PRKG1: variants seen among roughly 807,000 people sequenced by gnomAD.
PRKG1 encodes the protein protein kinase cGMP-dependent 1, also known as cGMP-dependent protein kinase 1.
PRKG1 carries 35 observed loss-of-function variants against 88.1 expected under a neutral mutation model. The ratio of observed to expected loss-of-function variants is 0.40; its 90% CI spans 0.30 to 0.53. The LOEUF (loss-of-function observed/expected upper bound fraction) is 0.53, where lower values mean the gene tolerates loss of function less well. PRKG1 is among the 20% of genes least tolerant of loss of function. PRKG1 has a pLI of 0.59. For missense variants in PRKG1, 540 were observed against 839.8 expected (o/e 0.64, Z 4.41); for synonymous variants, 303 against 292.5 (o/e 1.04, Z -0.37).
chr10:51,126,487 T>G (rs1295682424), intron 1 of PRKG1, among the ~76,000 whole-genome samples: 3 of 144,082 alleles, frequency 2.1e-5, no homozygotes, highest in African/African-American at 7.5e-5. Flanking sequence ...AATCTATTTA[T>G]AAATGTATAA....
At chr10:51,388,821 T>C (rs547737079) in intron 2 of PRKG1, among the ~76,000 whole-genome samples, 4 of 152,362 alleles carry the variant, frequency 2.6e-5, no homozygotes, top group African/African-American at 9.6e-5. Flanking sequence ...GGTGGTCTGG[T>C]TAAAAGGAAG....
intron 4 of PRKG1, among the ~76,000 whole-genome samples, chr10:51,843,527 G>A (rs1380201754): frequency 6.6e-6 from 1 of 152,158 alleles, no homozygotes; most frequent in East Asian, 1.9e-4. Flanking sequence ...GAGGAAAAAG[G>A]CAGGTCAAGT....
chr10:51,280,661 T>C (rs1840269771), intron 2 of PRKG1, among the ~76,000 whole-genome samples: 1 of 152,258 alleles, frequency 6.6e-6, no homozygotes, highest in Admixed American at 6.5e-5. Flanking sequence ...TCCAATTGGC[T>C]ACTGAAACTT....
chr10:51,805,408 T>C (rs74132433), intron 4 of PRKG1, among the ~76,000 whole-genome samples: 2,374 of 152,102 alleles, frequency 0.016, 78 homozygotes, highest in African/African-American at 0.054. Flanking sequence ...AGAAAATATA[T>C]TATCTTATAA....
At chr10:51,273,439 G>A (rs867406272) in intron 2 of PRKG1, among the ~76,000 whole-genome samples, 7 of 152,038 alleles carry the variant, frequency 4.6e-5, no homozygotes, top group Non-Finnish European at 7.4e-5. Context: ...TGGGAGGATC[G>A]CTGGAGTCCA....
intron 9 of PRKG1, among the ~76,000 whole-genome samples, chr10:52,226,727 A>G (rs1214790881): frequency 6.6e-6 from 1 of 152,042 alleles, no homozygotes; most frequent in Admixed American, 6.6e-5. Context: ...AGTAGGAAAA[A>G]TCTTTATATT....
chr10:51,178,355 T>C (rs1222270735), intron 2 of PRKG1, among the ~76,000 whole-genome samples: 9 of 152,130 alleles, frequency 5.9e-5, no homozygotes, highest in Non-Finnish European at 1.3e-4. Flanking sequence ...TAAAAAATAT[T>C]GGGCTGGGCG....
In PRKG1 at chr10:51,944,433, G is replaced by GT. The variant is rs558475116; in HGVS notation, c.762+36869dup. Among the ~76,000 whole-genome samples the GT allele has an allele frequency of 6.6e-4, 100 of 152,036 alleles. 1 individual carries two copies. The highest frequency in any genetic ancestry group is 2.2e-3 in the African/African-American group (93 of 41,390). On this transcript the variant is annotated intron_variant, in intron 5 of 17. Transcript: ENST00000373980. Reference sequence around the variant, plus strand: ...CCTGGATTCATTAATTTTTTGAAGGGTTTTTTGTATCTCTATTTCCTTCAG... The same window carrying GT: ...CCTGGATTCATTAATTTTTTGAAGGGTTTTTTTGTATCTCTATTTCCTTCAG...
intron 5 of PRKG1, among the ~76,000 whole-genome samples, chr10:51,967,032 C>A (rs1320913422): frequency 1.3e-5 from 2 of 152,094 alleles, no homozygotes; most frequent in African/African-American, 2.4e-5. Flanking sequence ...ACTAGAAATA[C>A]CATTTGACCC....
At chr10:51,325,156 T>G (rs1435083904) in intron 2 of PRKG1, among the ~76,000 whole-genome samples, 3 of 152,170 alleles carry the variant, frequency 2.0e-5, no homozygotes, top group Non-Finnish European at 2.9e-5. Context: ...GAAATACACC[T>G]GTTTGCCATT....
chr10:51,186,954 T>TTTTATATATATATATATATATATATA (rs1318166640), intron 2 of PRKG1, among the ~76,000 whole-genome samples: 1 of 131,262 alleles, frequency 7.6e-6, no homozygotes, highest in African/African-American at 3.0e-5. Context: ...AGGCCCTGTG[T>TTTTATATATATATATATATATATATA]TATATATATA....
chr10:51,958,459 A>C (rs1843365541), intron 5 of PRKG1, among the ~76,000 whole-genome samples: 1 of 151,802 alleles, frequency 6.6e-6, no homozygotes, highest in South Asian at 2.1e-4. Context: ...TACAAACTGG[A>C]CCAGAGTTTT....
intron 3 of PRKG1, among the ~76,000 whole-genome samples, chr10:51,713,174 A>G (rs1235496042): frequency 2.0e-5 from 3 of 152,182 alleles, no homozygotes; most frequent in African/African-American, 4.8e-5. Flanking sequence ...GAAACATTCT[A>G]TTAAATTTCA....
intron 3 of PRKG1, among the ~76,000 whole-genome samples, chr10:51,541,491 T>C (rs1842301074): frequency 6.6e-6 from 1 of 152,216 alleles, no homozygotes; most frequent in Non-Finnish European, 1.5e-5. Flanking sequence ...GCTATTCTTT[T>C]GAGCTTTCTT....
chr10:51,994,890 C>T (rs151295115), intron 5 of PRKG1, among the ~76,000 whole-genome samples: 1 of 152,274 alleles, frequency 6.6e-6, no homozygotes, highest in Non-Finnish European at 1.5e-5. Flanking sequence ...TACAACACTG[C>T]AAGCTAAAGG....
At chr10:51,104,805 C>CAAG (rs1385569157) in intron 1 of PRKG1, among the ~76,000 whole-genome samples, 2 of 152,046 alleles carry the variant, frequency 1.3e-5, no homozygotes, top group Admixed American at 1.3e-4. Context: ...TCTCGGCTTA[C>CAAG]TGCAACCTCC....
At chr10:51,530,640 C>T in intron 3 of PRKG1, among the ~76,000 whole-genome samples, 1 of 152,134 alleles carries the variant, frequency 6.6e-6, no homozygotes, top group Non-Finnish European at 1.5e-5. Context: ...ATTGAAGACA[C>T]AGAATCCTTT....
intron 2 of PRKG1, among the ~76,000 whole-genome samples, chr10:51,258,533 T>A (rs1213349282): frequency 6.6e-6 from 1 of 152,236 alleles, no homozygotes; most frequent in Non-Finnish European, 1.5e-5. Context: ...CAGCAAAAGC[T>A]GGCCTTGCTC....
chr10:51,743,594 C>T (rs979200222), intron 3 of PRKG1, among the ~76,000 whole-genome samples: 2 of 145,542 alleles, frequency 1.4e-5, no homozygotes, highest in East Asian at 3.9e-4. Flanking sequence ...CTCTCTTCCT[C>T]TTTCTCTACC....
Sources: allele counts gnomAD v4.1 joint callset (sites outside exome capture counted in the v4.1 genomes callset), GRCh38; gene constraint gnomAD v4.1.1; transcripts MANE v1.5; gene names NCBI Gene and HGNC (gene_info 2026-07-23, HGNC 2026-07-21).